The following CNTN4 variants were observed in gnomAD, a reference collection of about 807,000 sequenced individuals.
The protein encoded by CNTN4 is contactin-4.
Under a neutral mutation model 122.5 loss-of-function variants are expected in CNTN4, and 77 were observed. The ratio of observed to expected loss-of-function variants is 0.63; its 90% CI spans 0.52 to 0.76. CNTN4 has a LOEUF of 0.76. CNTN4 is among the 30% of genes least tolerant of loss of function. CNTN4 has a pLI of 0.00. For missense variants in CNTN4, 1,256 were observed against 1,259.1 expected (o/e 1.00, Z 0.04); for synonymous variants, 512 against 447.0 (o/e 1.15, Z -1.83).
At chr3:2,170,672 A>G (rs2036462950) in intron 2 of CNTN4, among the ~76,000 whole-genome samples, 1 of 152,206 alleles carries the variant, frequency 6.6e-6, no homozygotes, top group Non-Finnish European at 1.5e-5. Context: ...AAGTGGGTAG[A>G]GAAATGTAGG....
At chr3:2,903,084 A>G (rs1490393077) in intron 12 of CNTN4, 79 bp downstream of exon 12, 5 of 1,442,720 alleles carry the variant, frequency 3.5e-6, no homozygotes, top group Admixed American at 1.8e-5. Flanking sequence ...CCAAGCATAA[A>G]TGTTCAATCC....
rs78037776 is a variant in CNTN4, at chr3:2,570,860, T to G, written c.-88-556T>G. ...GGCAGCTACTGATAGCTGTTTGGATTTCTCTCATTAGACACTGGAGCTGCA... is the reference window on the plus strand; with the variant it reads ...GGCAGCTACTGATAGCTGTTTGGATGTCTCTCATTAGACACTGGAGCTGCA... On this transcript the variant is annotated intron_variant, in intron 3 of 24. Coordinates refer to ENST00000418658, the MANE Select transcript of CNTN4 (RefSeq NM_175607.3). 2.1e-4 allele frequency among the ~76,000 whole-genome samples: 32 copies of G among 152,328 alleles called. No individual in the cohort carries two copies. The East Asian group carries it at 5.8e-3, about 28-fold the overall frequency.
At chr3:2,753,064 T>C (rs547331547) in intron 6 of CNTN4, among the ~76,000 whole-genome samples, 1 of 152,350 alleles carries the variant, frequency 6.6e-6, no homozygotes, top group South Asian at 2.1e-4. Flanking sequence ...CTATTGTCAA[T>C]AGTGCTGCAA....
At chr3:2,666,828 C>T (rs7624568) in intron 4 of CNTN4, among the ~76,000 whole-genome samples, 2 of 148,500 alleles carry the variant, frequency 1.3e-5, no homozygotes, top group East Asian at 2.0e-4. Context: ...CCTATGAGTG[C>T]GAACACACGG....
At chr3:2,188,037 T>C (rs73098023) in intron 2 of CNTN4, among the ~76,000 whole-genome samples, 3,772 of 152,212 alleles carry the variant, frequency 0.025, 151 homozygotes, top group African/African-American at 0.087. Context: ...GGGTTTGCTA[T>C]ACTTGTCAAG....
chr3:2,395,431 A>T lies in CNTN4; in HGVS notation c.-89+56198A>T, dbSNP rs1489773419. 2.6e-5 allele frequency among the ~76,000 whole-genome samples: 4 copies of T among 152,194 alleles called. No individual in the cohort carries two copies. The East Asian group carries it at 7.7e-4, about 29-fold the overall frequency. On this transcript the variant is annotated intron_variant, in intron 3 of 24. Coordinates refer to ENST00000418658, the MANE Select transcript of CNTN4 (RefSeq NM_175607.3). ...ATATATTAATAGGATTATGGATTGAACTATATACTTTCCTTTTAAATTTCA... is the reference window on the plus strand; with the variant it reads ...ATATATTAATAGGATTATGGATTGATCTATATACTTTCCTTTTAAATTTCA...
intron 17 of CNTN4, among the ~76,000 whole-genome samples, chr3:3,036,748 CAGAGAG>C (rs10617900): frequency 1.6e-4 from 23 of 144,664 alleles, no homozygotes; most frequent in South Asian, 2.2e-4. Flanking sequence ...CCCTGGGCAT[CAGAGAG>C]AGAGAGAGAG....
intron 7 of CNTN4, among the ~76,000 whole-genome samples, chr3:2,824,740 C>T (rs2092951391): frequency 6.6e-6 from 1 of 152,160 alleles, no homozygotes; most frequent in African/African-American, 2.4e-5. Context: ...CGGCTCACTG[C>T]AACCTCCGCC....
Position 2,385,763 on chromosome 3 carries a change from T to C in CNTN4, c.-89+46530T>C, listed in dbSNP as rs1465011265. On this transcript the variant is annotated intron_variant, in intron 3 of 24. Coordinates refer to ENST00000418658, the MANE Select transcript of CNTN4 (RefSeq NM_175607.3). This position sits in a 1 kb window ranked among gnomAD's most constrained non-coding sequence, Gnocchi z 4.0. ...GACATAAGTCTTATTGGATATGACC[T>C]ATCCTAATGAACTCATCTTAACTTG... is the stretch of plus-strand genomic sequence containing the variant. Among the ~76,000 whole-genome samples the C allele has an allele frequency of 6.6e-6, 1 of 152,082 alleles. No individual in the cohort carries two copies. The highest frequency in any genetic ancestry group is 1.5e-5 in the Non-Finnish European group (1 of 68,026).
In CNTN4 at chr3:2,124,474, C is replaced by CACACACACACA. The variant is rs1559265723; in HGVS notation, c.-145+23835_-145+23836insACACACACACA. On this transcript the variant is annotated intron_variant, in intron 2 of 24. Coordinates refer to ENST00000418658, the MANE Select transcript of CNTN4 (RefSeq NM_175607.3). ...CACACACACACACACACACACACAC[C>CACACACACACA]CCCTTAAGCAAGGTATGCTGGCTCA... is the stretch of plus-strand genomic sequence containing the variant. 5.2e-4 allele frequency among the ~76,000 whole-genome samples: 56 copies of CACACACACACA among 107,648 alleles called. 1 individual carries two copies. The East Asian group carries it at 5.7e-3, about 11-fold the overall frequency. The allele number at this position is 107,648 out of a possible 152,430, so 70.6% of individuals were successfully genotyped here.
chr3:2,227,102 T>G (rs1268982096), intron 2 of CNTN4, among the ~76,000 whole-genome samples: 1 of 152,192 alleles, frequency 6.6e-6, no homozygotes, highest in African/African-American at 2.4e-5. Context: ...ATTTATTTAT[T>G]TGCAGATATG....
intron 6 of CNTN4, among the ~76,000 whole-genome samples, chr3:2,796,206 T>C (rs1279034970): frequency 6.6e-6 from 1 of 152,196 alleles, no homozygotes; most frequent in Non-Finnish European, 1.5e-5. Flanking sequence ...CTATAACTTA[T>C]ACCAACTGAA....
At chr3:2,498,059 T>A (rs1219017457) in intron 3 of CNTN4, among the ~76,000 whole-genome samples, 1 of 152,208 alleles carries the variant, frequency 6.6e-6, no homozygotes, top group Admixed American at 6.5e-5. Context: ...AGTAAAAAGT[T>A]GTTTATATCA....
At chr3:2,707,557 C>A (rs1324990788) in intron 4 of CNTN4, among the ~76,000 whole-genome samples, 1 of 152,144 alleles carries the variant, frequency 6.6e-6, no homozygotes, top group Admixed American at 6.5e-5. Context: ...TAGAATTTAT[C>A]TTTTGGCAGT....
At chr3:2,468,365 C>A (rs2075574897) in intron 3 of CNTN4, among the ~76,000 whole-genome samples, 1 of 151,994 alleles carries the variant, frequency 6.6e-6, no homozygotes, top group East Asian at 1.9e-4. Context: ...GTGGGCATAT[C>A]AGATTTTGGG....
intron 2 of CNTN4, among the ~76,000 whole-genome samples, chr3:2,218,302 A>C (rs1007095287): frequency 1.3e-5 from 2 of 152,186 alleles, no homozygotes; most frequent in Non-Finnish European, 2.9e-5. Context: ...ATAATAGGAT[A>C]TATTTTTATT....
intron 4 of CNTN4, among the ~76,000 whole-genome samples, chr3:2,710,235 C>G (rs370860187): frequency 6.6e-6 from 1 of 152,102 alleles, no homozygotes; most frequent in African/African-American, 2.4e-5. Context: ...CAGAAAACTC[C>G]AGATAATTTA....
At chr3:2,120,422 T>TTA (rs2033692927) in intron 2 of CNTN4, among the ~76,000 whole-genome samples, 1 of 118,144 alleles carries the variant, frequency 8.5e-6, no homozygotes, top group Non-Finnish European at 1.8e-5. Context: ...TTTTTTTTTT[T>TTA]ATGCAGAGTC....
At chr3:2,332,392 A>G (rs1018144493) in intron 2 of CNTN4, among the ~76,000 whole-genome samples, 3 of 152,166 alleles carry the variant, frequency 2.0e-5, no homozygotes, top group African/African-American at 7.2e-5. Flanking sequence ...TTATATTTAC[A>G]GGATGCTTTC....
Sources: gnomAD v4.1 joint callset for allele counts (sites outside exome capture counted in the v4.1 genomes callset) on GRCh38, gnomAD v4.1.1 for gene constraint, Gnocchi (gnomAD v3.1) non-coding constraint, MANE v1.5 for transcripts, NCBI Gene and HGNC (gene_info 2026-07-23, HGNC 2026-07-21) for gene names.